Variants in KIF9 observed in about 807,000 individuals in gnomAD.
KIF9 encodes kinesin-like protein KIF9.
Under a neutral mutation model 94.8 loss-of-function variants are expected in KIF9, and 68 were observed. The ratio of observed to expected loss-of-function variants is 0.72; its 90% CI spans 0.59 to 0.88. The LOEUF (loss-of-function observed/expected upper bound fraction) is 0.88, where lower values mean the gene tolerates loss of function less well. Ranked by LOEUF, KIF9 falls within the 40% of genes least tolerant of loss-of-function variation. The pLI is 0.00. For missense variants in KIF9, 882 were observed against 982.5 expected, an observed-to-expected ratio of 0.90 and a Z score of 1.37; for synonymous variants, 343 against 362.1, an observed-to-expected ratio of 0.95 and a Z score of 0.60.
rs2276853 is a variant in KIF9 at position 47,240,813 on chromosome 3, G to A, written c.1912C>T (p.Arg638Trp). 0.59 allele frequency: 946,403 copies of A among 1,612,702 alleles called. 279,121 individuals carry two copies. The highest frequency in any genetic ancestry group is 0.6 in the Non-Finnish European group (703,050 of 1,178,998). ...KEALNFQKSLREKQGKYENKG... is the reference protein window; with the variant it reads ...KEALNFQKSLWEKQGKYENKG... The stretch of plus-strand genomic sequence containing the variant: ...CCAACACATTTACCTTGCTTCTCCC[G>A]TAGTGACTTCTGGAAATTCAGGGCC... Residue 638 changes from arginine to tryptophan, a missense_variant, in exon 17 of 21, where the codon CGG (arginine) becomes TGG (tryptophan). Physicochemically the swap from Arg to Trp is moderately radical, Grantham distance 101. Coordinates refer to ENST00000684063, the MANE Select transcript of KIF9 (RefSeq NM_182902.4).
chr3:47,242,809 T>G (rs999328925), intron 16 of KIF9, among the ~76,000 whole-genome samples: 2 of 152,242 alleles, frequency 1.3e-5, no homozygotes, highest in Admixed American at 1.3e-4. Context: ...TTTAATTATT[T>G]AAATAATTGC....
chr3:47,263,018 C>A lies in KIF9; in HGVS notation c.981+1268G>T, dbSNP rs558440869. On this transcript the variant is annotated intron_variant, in intron 9 of 20. Transcript: ENST00000684063. ...GGTTCAAGCGATTCTCCTGTCTCAGCCTCCCGAGTAGCTGGGACCACAGGC... is the reference window on the plus strand; with the variant it reads ...GGTTCAAGCGATTCTCCTGTCTCAGACTCCCGAGTAGCTGGGACCACAGGC... Among the ~76,000 whole-genome samples, 20 of 152,260 alleles carry A rather than the reference C, an allele frequency of 1.3e-4. No homozygotes were observed. In the South Asian group the frequency reaches 4.1e-3, roughly 32 times the overall value.
At chr3:47,257,409 C>T (rs1270857408) in intron 10 of KIF9, 74 bp downstream of exon 10, 3 of 1,312,586 alleles carry the variant, frequency 2.3e-6, no homozygotes, top group East Asian at 2.3e-5. Flanking sequence ...AGGGAAGGCT[C>T]GCTTGTGTGA....
intron 17 of KIF9, chr3:47,239,611 A>C (rs547622640): frequency 9.5e-7 from 1 of 1,053,812 alleles, no homozygotes; most frequent in East Asian, 7.2e-5. Context: ...TTTTTCCAAG[A>C]CAGTCTTCAT....
At chr3:47,265,508 A>C (rs1057150402) in intron 8 of KIF9, among the ~76,000 whole-genome samples, 4 of 152,200 alleles carry the variant, frequency 2.6e-5, no homozygotes, top group African/African-American at 9.7e-5. Flanking sequence ...AGCACAGGTA[A>C]AAAGCCTAAG....
At chr3:47,267,092 T>TA (rs778636273) in intron 6 of KIF9, 24 bp from the exon 7 acceptor site, 1 of 1,609,996 alleles carries the variant, frequency 6.2e-7, no homozygotes, top group Non-Finnish European at 8.5e-7. Flanking sequence ...AAGCAGAAGT[T>TA]AGACTGTCAC....
intron 20 of KIF9, among the ~76,000 whole-genome samples, chr3:47,231,389 C>T (rs186599835): frequency 1.2e-4 from 18 of 146,314 alleles, no homozygotes; most frequent in Admixed American, 1.2e-3. Context: ...GAATCTCAGG[C>T]TCCATCAGTA....
chr3:47,270,858 T>C (rs1196313106), intron 5 of KIF9, among the ~76,000 whole-genome samples: 1 of 150,352 alleles, frequency 6.7e-6, no homozygotes, highest in Non-Finnish European at 1.5e-5. Context: ...AGTAAAAAAC[T>C]AGCTGGACAC....
Position 47,271,346 on chromosome 3 carries a change from G to A in KIF9, c.482C>T (p.Pro161Leu), listed in dbSNP as rs1243920400. ...CACGATGGTCATTGGTGTGACTGAGGGTCCAACATAGGGCAGAGTGGACAG... is the reference window on the plus strand; with the variant it reads ...CACGATGGTCATTGGTGTGACTGAGAGTCCAACATAGGGCAGAGTGGACAG... ...DLLSTLPYVG[P>L]SVTPMTIVEN... The change falls in exon 5 of 21, where the codon CCC becomes CTC. Residue 161 changes from proline (P) to leucine (L), a missense_variant. By Grantham distance (98) the Pro-to-Leu change is moderately conservative. Coordinates refer to ENST00000684063, the MANE Select transcript of KIF9 (RefSeq NM_182902.4). The A allele has an allele frequency of 1.9e-6, 3 of 1,613,640 alleles. No homozygotes were observed. The highest frequency in any genetic ancestry group is 2.5e-6 in the Non-Finnish European group (3 of 1,179,856).
chr3:47,249,177 G>C (rs981853769), intron 10 of KIF9, among the ~76,000 whole-genome samples: 1 of 141,280 alleles, frequency 7.1e-6, no homozygotes, highest in Non-Finnish European at 1.5e-5. Context: ...ATGGGGTCTC[G>C]CTCTGTCGCC....
At chr3:47,246,646 C>T (rs1289207902) in intron 12 of KIF9, 1 of 152,022 alleles carries the variant, frequency 6.6e-6, no homozygotes, top group East Asian at 1.9e-4. Flanking sequence ...ATTTATGGTC[C>T]TGTCTGCATG....
intron 1 of KIF9, chr3:47,282,239 A>G (rs1238280727): frequency 1.4e-5 from 14 of 985,488 alleles, no homozygotes; most frequent in Non-Finnish European, 1.7e-5. Context: ...TCCCTGCCTC[A>G]CGGCCTCTAT....
Position 47,243,193 on chromosome 3 carries a change from C to T in KIF9, c.1567G>A (p.Asp523Asn). 6.2e-7 allele frequency: 1 copy of T among 1,613,546 alleles called. No individual in the cohort carries two copies. Among genetic ancestry groups the T allele is most frequent in the Non-Finnish European group, 8.5e-7 (1 of 1,179,636 alleles). Residue 523 changes from aspartate to asparagine, a missense_variant, in exon 16 of 21, where the codon GAT (aspartate) becomes AAT (asparagine). By Grantham distance (23) the Asp-to-Asn change is conservative. Coordinates refer to ENST00000684063, the MANE Select transcript of KIF9 (RefSeq NM_182902.4). ...TGGGTCTTGGAGGTGGAAACGTAAT[C>T]CAAGTCCTTCCCATTCACAGGGCTG... ...ASSPVNGKDL[D>N]YVSTSKTQLV...
chr3:47,282,300 C>T (rs1400549654), intron 1 of KIF9, 195 bp downstream of exon 1: 7 of 985,698 alleles, frequency 7.1e-6, no homozygotes, highest in Non-Finnish European at 8.4e-6. Context: ...ACATTAGCTC[C>T]GAAGACCGTA....
At chr3:47,231,235 TAC>T (rs1348256147) in intron 20 of KIF9, among the ~76,000 whole-genome samples, 2 of 151,618 alleles carry the variant, frequency 1.3e-5, no homozygotes, top group Non-Finnish European at 2.9e-5. Flanking sequence ...AGAAAAAAAA[TAC>T]ACACTCAATG....
At chr3:47,270,218 A>G (rs1422963446) in intron 5 of KIF9, among the ~76,000 whole-genome samples, 1 of 150,794 alleles carries the variant, frequency 6.6e-6, no homozygotes, top group East Asian at 2.0e-4. Flanking sequence ...GAGCTTTTGT[A>G]TAGTAAGGAT....
intron 17 of KIF9, chr3:47,239,734 T>A (rs909232383): frequency 7.9e-7 from 1 of 1,273,842 alleles, no homozygotes; most frequent in Non-Finnish European, 1.0e-6. Context: ...ATTACAAGTG[T>A]GTGCCACCAC....
At chr3:47,275,283 C>T (rs749096226) in intron 3 of KIF9, 42 bp downstream of exon 3, 6 of 1,429,714 alleles carry the variant, frequency 4.2e-6, no homozygotes, top group Non-Finnish European at 5.8e-6. Flanking sequence ...TCTCTTACTC[C>T]TCAGGTTCTT....
intron 5 of KIF9, among the ~76,000 whole-genome samples, chr3:47,270,950 G>T (rs1701606573): frequency 7.2e-6 from 1 of 138,542 alleles, no homozygotes. Flanking sequence ...ACCAGCCTGG[G>T]CAACATGGCC....
Sources: allele counts gnomAD v4.1 joint callset (sites outside exome capture counted in the v4.1 genomes callset), GRCh38; gene constraint gnomAD v4.1.1; transcripts MANE v1.5; gene names NCBI Gene and HGNC (gene_info 2026-07-23, HGNC 2026-07-21).